Variants in FRMD6 observed in about 807,000 individuals in gnomAD.
FRMD6 encodes FERM domain containing 6.
A neutral mutation model predicts 73.2 loss-of-function variants in FRMD6; 37 were observed. The observed-to-expected ratio is 0.51, with a 90% CI of 0.39 to 0.66. The LOEUF is 0.66. Ranked by LOEUF, FRMD6 falls within the 30% of genes least tolerant of loss-of-function variation. The pLI is 0.00. For synonymous variants in FRMD6, 273 were observed against 282.2 expected, an observed-to-expected ratio of 0.97 and a Z score of 0.33; for missense variants, 714 against 780.5, an observed-to-expected ratio of 0.91 and a Z score of 1.02.
intron 2 of FRMD6, among the ~76,000 whole-genome samples, chr14:51,590,191 A>AT (rs1296195577): frequency 6.6e-6 from 1 of 152,128 alleles, no homozygotes; most frequent in Non-Finnish European, 1.5e-5. Context: ...AATTGAAAAC[A>AT]TTTTTTACCT....
intron 1 of FRMD6, among the ~76,000 whole-genome samples, chr14:51,663,177 T>G (rs1360976120): frequency 6.6e-6 from 1 of 152,168 alleles, no homozygotes. Flanking sequence ...GGAGTGTAAA[T>G]TAGTTCCACC....
chr14:51,476,792 G>A, the FRMD6 span, among the ~76,000 whole-genome samples: 1 of 152,112 alleles, frequency 6.6e-6, no homozygotes, highest in African/African-American at 2.4e-5. Context: ...GGGAGTCAGG[G>A]GCCATCAGGA....
intron 2 of FRMD6, among the ~76,000 whole-genome samples, chr14:51,572,028 A>T (rs1888160402): frequency 6.6e-6 from 1 of 152,228 alleles, no homozygotes; most frequent in South Asian, 2.1e-4. Context: ...AAGGTTTGTT[A>T]TTATGTCACC....
At chr14:51,668,927 C>T (rs1846213148) in intron 1 of FRMD6, among the ~76,000 whole-genome samples, 1 of 152,062 alleles carries the variant, frequency 6.6e-6, no homozygotes, top group African/African-American at 2.4e-5. Context: ...CTTCAGCCTC[C>T]CAAAGTGCTG....
chr14:51,532,568 T>C (rs1057272425), intron 1 of FRMD6, among the ~76,000 whole-genome samples: 1 of 152,148 alleles, frequency 6.6e-6, no homozygotes, highest in African/African-American at 2.4e-5. Flanking sequence ...AGCAGTCATA[T>C]GTCTTTGAGC....
intron 1 of FRMD6, among the ~76,000 whole-genome samples, chr14:51,522,108 A>G (rs1596534235): frequency 6.6e-6 from 1 of 152,312 alleles, no homozygotes; most frequent in South Asian, 2.1e-4. Flanking sequence ...AAAAGATAGA[A>G]TTCTTAATTT....
chr14:51,721,195 A>G (rs1566597465), intron 11 of FRMD6, among the ~76,000 whole-genome samples: 2 of 152,194 alleles, frequency 1.3e-5, no homozygotes, highest in Non-Finnish European at 2.9e-5. Flanking sequence ...CAAAGGGCCC[A>G]TCAGTTTCGG....
chr14:51,500,497 C>T (rs992235177), intron 1 of FRMD6, among the ~76,000 whole-genome samples: 7 of 150,666 alleles, frequency 4.6e-5, no homozygotes, highest in African/African-American at 1.2e-4. Flanking sequence ...CCAGCCTGGG[C>T]GACACTGCAC....
intron 1 of FRMD6, among the ~76,000 whole-genome samples, chr14:51,511,833 A>AC (rs1247236935): frequency 6.6e-6 from 1 of 152,004 alleles, no homozygotes; most frequent in Non-Finnish European, 1.5e-5. Flanking sequence ...TATGTAACAA[A>AC]CCTGCATGTC....
chr14:51,718,098 G>A (rs912002270), intron 10 of FRMD6, among the ~76,000 whole-genome samples: 2 of 152,162 alleles, frequency 1.3e-5, no homozygotes, highest in Non-Finnish European at 2.9e-5. Flanking sequence ...ATGAGAGGTT[G>A]CATTTTACAT....
chr14:51,416,244 T>C, the FRMD6 span, among the ~76,000 whole-genome samples: 1 of 152,242 alleles, frequency 6.6e-6, no homozygotes, highest in Non-Finnish European at 1.5e-5. Flanking sequence ...ATTGTGATGT[T>C]AGGGTGTCAA....
Position 51,702,605 on chromosome 14 carries a change from T to C in FRMD6, c.371+17T>C, listed in dbSNP as rs753014353. On this transcript the variant is annotated intron_variant, in intron 5 of 13. Coordinates refer to ENST00000344768, the MANE Select transcript of FRMD6 (RefSeq NM_001267046.2). ...ATTGATCAGGTAAGAGGACAGGGGG[T>C]GATTCTAAACGCTTTTTTTTCCCCC... The C allele has an allele frequency of 1.3e-6, 2 of 1,598,290 alleles. No individual in the cohort carries two copies. The highest frequency in any genetic ancestry group is 1.7e-6 in the Non-Finnish European group (2 of 1,170,096).
chr14:51,705,258 C>A (rs896792024), intron 6 of FRMD6, among the ~76,000 whole-genome samples: 3 of 152,014 alleles, frequency 2.0e-5, no homozygotes, highest in African/African-American at 7.2e-5. Context: ...CCTTTGAAGG[C>A]AGAAAAACAT....
At chr14:51,525,028 G>A (rs1268659412) in intron 1 of FRMD6, among the ~76,000 whole-genome samples, 160 of 148,654 alleles carry the variant, frequency 1.1e-3, no homozygotes, top group Non-Finnish European at 1.3e-3. Flanking sequence ...GTGGGTGGGT[G>A]GATGGAGAGA....
In FRMD6 at chr14:51,727,824, T is replaced by C. The variant is rs745908945; in HGVS notation, c.1664T>C (p.Phe555Ser). 88 of 1,614,026 alleles carry C rather than the reference T, an allele frequency of 5.5e-5. No individual in the cohort carries two copies. The East Asian group carries it at 1.7e-3, about 31-fold the overall frequency. The change falls in exon 14 of 14, where the codon TTC becomes TCC. Residue 555 changes from phenylalanine (F) to serine (S), a missense_variant. By Grantham distance (155) the Phe-to-Ser change is radical. Coordinates refer to ENST00000344768, the MANE Select transcript of FRMD6 (RefSeq NM_001267046.2). Reference sequence around the variant, plus strand: ...GACATCAGACTTTACCAGAAAGACTTCCTGCGCATTGCAGGTCTGTGTCAG... The same window carrying C: ...GACATCAGACTTTACCAGAAAGACTCCCTGCGCATTGCAGGTCTGTGTCAG... The part of the protein sequence containing the change: ...LDDIRLYQKD[F>S]LRIAGLCQDT...
intron 2 of FRMD6, among the ~76,000 whole-genome samples, chr14:51,583,791 T>C (rs2139675876): frequency 6.6e-6 from 1 of 152,334 alleles, no homozygotes; most frequent in African/African-American, 2.4e-5. Flanking sequence ...AAGCTGTTAG[T>C]GGACAACTTG....
At chr14:51,619,605 G>A (rs569145014) in intron 2 of FRMD6, among the ~76,000 whole-genome samples, 47 of 152,236 alleles carry the variant, frequency 3.1e-4, no homozygotes, top group South Asian at 1.0e-3. Flanking sequence ...ATGAGAAACC[G>A]TAGACTACTC....
chr14:51,702,659 G>A (rs747303216), intron 5 of FRMD6, 71 bp downstream of exon 5: 6 of 1,161,184 alleles, frequency 5.2e-6, no homozygotes, highest in Non-Finnish European at 7.6e-6. Flanking sequence ...TACCAAATAA[G>A]TTACGTGTGT....
intron 2 of FRMD6, among the ~76,000 whole-genome samples, chr14:51,594,329 TA>T (rs1889585458): frequency 6.6e-6 from 1 of 150,630 alleles, no homozygotes; most frequent in South Asian, 2.1e-4. Flanking sequence ...TTTATTTATT[TA>T]TTTATTTATT....
Sources: allele counts gnomAD v4.1 joint callset (sites outside exome capture counted in the v4.1 genomes callset), GRCh38; gene constraint gnomAD v4.1.1; transcripts MANE v1.5; gene names NCBI Gene and HGNC (gene_info 2026-07-23, HGNC 2026-07-21).